The following CTNNA2 variants were observed in gnomAD, a reference collection of about 807,000 sequenced individuals.
CTNNA2 encodes the protein catenin alpha-2.
CTNNA2 carries 42 observed loss-of-function variants against 101.0 expected under a neutral mutation model. The ratio of observed to expected loss-of-function variants is 0.42; its 90% CI spans 0.32 to 0.54. The LOEUF is 0.54. Among genes scored for constraint, CTNNA2 ranks in the 20% least tolerant of loss-of-function variants. The pLI is 0.14. For synonymous variants in CTNNA2, 450 were observed against 456.4 expected, an observed-to-expected ratio of 0.99 and a Z score of 0.18; for missense variants, 871 against 1,223.1, an observed-to-expected ratio of 0.71 and a Z score of 4.29.
At chr2:79,931,568 A>T (rs1423888937) in intron 7 of CTNNA2, among the ~76,000 whole-genome samples, 1 of 152,184 alleles carries the variant, frequency 6.6e-6, no homozygotes, top group African/African-American at 2.4e-5. Context: ...AGATATGTAC[A>T]ATAATTGTCA....
intron 18 of CTNNA2, among the ~76,000 whole-genome samples, chr2:80,647,323 C>T (rs935104148): frequency 7.2e-6 from 1 of 139,146 alleles, no homozygotes; most frequent in African/African-American, 2.5e-5. Flanking sequence ...GTCACCATTG[C>T]TAATTACCCT....
At chr2:80,570,222 T>G (rs1694461315) in intron 12 of CTNNA2, among the ~76,000 whole-genome samples, 1 of 152,096 alleles carries the variant, frequency 6.6e-6, no homozygotes, top group African/African-American at 2.4e-5. Context: ...CTATGTTTTG[T>G]ATTTTTAGTA....
intron 7 of CTNNA2, among the ~76,000 whole-genome samples, chr2:80,021,311 C>T (rs554736386): frequency 8.5e-5 from 13 of 152,222 alleles, no homozygotes; most frequent in East Asian, 3.9e-4. Flanking sequence ...TGAGCCACCA[C>T]GCCCGGACTA....
intron 3 of CTNNA2, among the ~76,000 whole-genome samples, chr2:79,837,428 T>A (rs926036897): frequency 1.3e-5 from 2 of 152,134 alleles, no homozygotes; most frequent in Non-Finnish European, 2.9e-5. Context: ...CAAATGTTAA[T>A]CTCCTTTGGC....
chr2:79,835,775 G>A (rs941849050), intron 3 of CTNNA2, among the ~76,000 whole-genome samples: 1 of 137,528 alleles, frequency 7.3e-6, no homozygotes. Context: ...TGGGACTACA[G>A]GCATGTGCCA....
chr2:80,198,693 T>C (rs1321425058), intron 7 of CTNNA2, among the ~76,000 whole-genome samples: 1 of 152,158 alleles, frequency 6.6e-6, no homozygotes, highest in African/African-American at 2.4e-5. Context: ...TGAAACACCA[T>C]TCATTGCCGA....
At chr2:79,990,356 C>T (rs1692083687) in intron 7 of CTNNA2, among the ~76,000 whole-genome samples, 1 of 152,126 alleles carries the variant, frequency 6.6e-6, no homozygotes, top group Admixed American at 6.5e-5. Context: ...CAGATAACCT[C>T]ACCAGGTTTT....
chr2:80,430,807 A>G (rs1295690777), intron 9 of CTNNA2, among the ~76,000 whole-genome samples: 1 of 152,144 alleles, frequency 6.6e-6, no homozygotes, highest in East Asian at 1.9e-4. Context: ...TTGGTGTTTC[A>G]TCATCTAAGT....
At chr2:79,235,824 A>G (rs1306191965) in intron 2 of CTNNA2, among the ~76,000 whole-genome samples, 1 of 152,200 alleles carries the variant, frequency 6.6e-6, no homozygotes, top group Non-Finnish European at 1.5e-5. Flanking sequence ...GAAGCAGGAC[A>G]GCTGGGCTGG....
intron 9 of CTNNA2, among the ~76,000 whole-genome samples, chr2:80,480,192 A>G (rs1686040870): frequency 6.6e-6 from 1 of 152,142 alleles, no homozygotes; most frequent in Non-Finnish European, 1.5e-5. Context: ...TTAAAAGTTG[A>G]CAAAATGAAA....
intron 2 of CTNNA2, among the ~76,000 whole-genome samples, chr2:79,212,223 G>A (rs1674184185): frequency 6.6e-6 from 1 of 152,146 alleles, no homozygotes; most frequent in African/African-American, 2.4e-5. Context: ...AACCGGCAGT[G>A]TAAACAAGAG....
At chr2:79,555,624 TG>T (rs1322252432) in intron 1 of CTNNA2, among the ~76,000 whole-genome samples, 4 of 152,192 alleles carry the variant, frequency 2.6e-5, no homozygotes, top group Non-Finnish European at 5.9e-5. Context: ...AACTGAATTC[TG>T]TATCATGAAC....
In CTNNA2 at chr2:79,744,398, T is replaced by C. The variant is rs2104990970; in HGVS notation, c.114T>C (p.Leu38=). The change falls in exon 3 of 19, where the codon CTT becomes CTC. Residue 38 remains leucine, a synonymous_variant. Transcript: ENST00000402739. ...CTTTTATATTTAAGGTGACTACACT[T>C]GTCAACACAAGCAACAAAGGCCCAT... ...LEPLVTQVTT[L]VNTSNKGPSG... is the part of the protein sequence containing the mutation. 6.2e-7 allele frequency: 1 copy of C among 1,612,260 alleles called. No homozygotes were observed. Among genetic ancestry groups the C allele is most frequent in the Non-Finnish European group, 8.5e-7 (1 of 1,179,492 alleles).
chr2:79,342,638 T>C (rs904257137), intron 3 of CTNNA2, among the ~76,000 whole-genome samples: 1 of 152,222 alleles, frequency 6.6e-6, no homozygotes, highest in Non-Finnish European at 1.5e-5. Context: ...TTCATCAGAA[T>C]GATACACTAC....
intron 1 of CTNNA2, among the ~76,000 whole-genome samples, chr2:79,526,717 T>A (rs2103905126): frequency 6.6e-6 from 1 of 152,224 alleles, no homozygotes; most frequent in Non-Finnish European, 1.5e-5. Context: ...CAAGACAATT[T>A]AATGGGGGAA....
chr2:79,990,353 C>A (rs1367843024), intron 7 of CTNNA2, among the ~76,000 whole-genome samples: 3 of 152,056 alleles, frequency 2.0e-5, no homozygotes, highest in Admixed American at 6.6e-5. Context: ...TCCCAGATAA[C>A]CTCACCAGGT....
At chr2:79,199,968 C>T (rs768709859) in intron 2 of CTNNA2, among the ~76,000 whole-genome samples, 8 of 152,126 alleles carry the variant, frequency 5.3e-5, no homozygotes, top group Non-Finnish European at 1.2e-4. Context: ...ATCTTCAATG[C>T]TTCTGCCACC....
At chr2:80,153,096 A>G (rs1703803583) in intron 7 of CTNNA2, among the ~76,000 whole-genome samples, 1 of 152,140 alleles carries the variant, frequency 6.6e-6, no homozygotes, top group African/African-American at 2.4e-5. Context: ...TCCGGTGCCA[A>G]ATTTAGCATC....
intron 9 of CTNNA2, among the ~76,000 whole-genome samples, chr2:80,522,055 C>G (rs2149575522): frequency 6.6e-6 from 1 of 152,284 alleles, no homozygotes; most frequent in South Asian, 2.1e-4. Flanking sequence ...GGTTATCTGT[C>G]CATATTTCTT....
Sources: gnomAD v4.1 joint callset for allele counts (sites outside exome capture counted in the v4.1 genomes callset) on GRCh38, gnomAD v4.1.1 for gene constraint, MANE v1.5 for transcripts, NCBI Gene and HGNC (gene_info 2026-07-23, HGNC 2026-07-21) for gene names.